Variants in PCCA observed in about 807,000 individuals in gnomAD.
PCCA encodes the protein propionyl-CoA carboxylase alpha chain, mitochondrial.
PCCA carries 74 observed loss-of-function variants against 101.3 expected under a neutral mutation model. The ratio of observed to expected loss-of-function variants is 0.73; its 90% CI spans 0.61 to 0.89. The LOEUF (loss-of-function observed/expected upper bound fraction) is 0.89. Among genes scored for constraint, PCCA ranks in the 40% least tolerant of loss-of-function variants. The probability of loss-of-function intolerance (pLI) is 0.00; values close to 1 mark genes in which losing one functional copy is unlikely to be tolerated. For missense variants in PCCA, 891 were observed against 907.0 expected, an observed-to-expected ratio of 0.98 and a Z score of 0.23; for synonymous variants, 294 against 313.6, an observed-to-expected ratio of 0.94 and a Z score of 0.66.
rs112367578 is a variant in PCCA at position 100,342,560 on chromosome 13, G to A, written c.1643+2301G>A. Among the ~76,000 whole-genome samples the A allele has an allele frequency of 5.0e-3, 752 of 151,612 alleles. 7 individuals carry two copies. Among genetic ancestry groups the A allele is most frequent in the African/African-American group, 0.017 (720 of 41,364 alleles). On this transcript the variant is annotated intron_variant, in intron 18 of 23. Coordinates refer to ENST00000376285, the MANE Select transcript of PCCA (RefSeq NM_000282.4). ...TGGGATTATAGGCATGAGCCACCGC[G>A]CCCAGCCTTACCTGTACAGTTTTAA... is the stretch of plus-strand genomic sequence containing the variant.
chr13:100,368,453 T>C lies in PCCA; in HGVS notation c.1644-19T>C, dbSNP rs943499538. On this transcript the variant is annotated intron_variant, in intron 18 of 23. Transcript: ENST00000376285. ...ATAATATAAAATTATTAACTCTTTT[T>C]CTTTTCATTCTACTTCAGAATGCCT... 3 of 1,316,404 alleles carry C rather than the reference T, an allele frequency of 2.3e-6. No individual in the cohort carries two copies. The highest frequency in any genetic ancestry group is 3.3e-6 in the Non-Finnish European group (3 of 912,698). 81.5% of individuals were successfully genotyped at this position (1,316,404 alleles called of 1,614,324 possible). A position where few individuals can be genotyped will look rare whatever the true frequency, so the allele number is the denominator to read the frequency against.
At chr13:100,266,235 C>T (rs2152569376) in intron 10 of PCCA, among the ~76,000 whole-genome samples, 1 of 152,314 alleles carries the variant, frequency 6.6e-6, no homozygotes, top group South Asian at 2.1e-4. Flanking sequence ...AGGTCTTACT[C>T]ATTTGCTGTC....
chr13:100,409,416 G>T (rs2077890507), intron 19 of PCCA, among the ~76,000 whole-genome samples: 1 of 152,124 alleles, frequency 6.6e-6, no homozygotes, highest in Admixed American at 6.5e-5. Flanking sequence ...AGTAAGGCAG[G>T]GTTTTATAGG....
intron 4 of PCCA, among the ~76,000 whole-genome samples, chr13:100,151,447 C>T (rs1351225233): frequency 2.6e-5 from 4 of 151,954 alleles, no homozygotes; most frequent in African/African-American, 9.7e-5. Context: ...CAAAGTTAGC[C>T]GGGGTTGGTG....
chr13:100,330,810 T>C, intron 17 of PCCA, 139 bp downstream of exon 17: 1 of 642,376 alleles, frequency 1.6e-6, no homozygotes, highest in African/African-American at 1.8e-5. Context: ...CAAGACTGTT[T>C]ACATTCATGA....
chr13:100,178,873 C>T (rs1352950158), intron 6 of PCCA, among the ~76,000 whole-genome samples: 2 of 151,390 alleles, frequency 1.3e-5, no homozygotes, highest in Admixed American at 6.6e-5. Flanking sequence ...GTCAGGAGAT[C>T]GAGACCATCT....
intron 19 of PCCA, among the ~76,000 whole-genome samples, chr13:100,384,319 C>A (rs938669181): frequency 6.6e-6 from 1 of 152,134 alleles, no homozygotes; most frequent in African/African-American, 2.4e-5. Flanking sequence ...AACCACTGTG[C>A]CTGGCCAAAA....
At chr13:100,145,861 CAAAA>C (rs767182982) in intron 4 of PCCA, among the ~76,000 whole-genome samples, 2 of 64,326 alleles carry the variant, frequency 3.1e-5, no homozygotes, top group African/African-American at 6.0e-5. Context: ...GACTCCGTCT[CAAAA>C]AAAAAAAAAA....
At chr13:100,366,907 T>G (rs369667506) in intron 18 of PCCA, among the ~76,000 whole-genome samples, 1 of 152,190 alleles carries the variant, frequency 6.6e-6, no homozygotes, top group East Asian at 1.9e-4. Flanking sequence ...ATTAATAATA[T>G]TAATCAGATA....
intron 21 of PCCA, among the ~76,000 whole-genome samples, 180 bp from the exon 22 acceptor site, chr13:100,515,247 A>G (rs2086748588): frequency 6.6e-6 from 1 of 152,258 alleles, no homozygotes; most frequent in Admixed American, 6.5e-5. Flanking sequence ...TTTCTGAAAT[A>G]GCTCAATATA....
At chr13:100,443,775 G>A (rs2080557607) in intron 20 of PCCA, among the ~76,000 whole-genome samples, 2 of 151,918 alleles carry the variant, frequency 1.3e-5, no homozygotes, top group African/African-American at 4.8e-5. Context: ...AATTGAGATC[G>A]TCTTTCAGGT....
At chr13:100,366,013 G>A (rs957514071) in intron 18 of PCCA, among the ~76,000 whole-genome samples, 1 of 152,146 alleles carries the variant, frequency 6.6e-6, no homozygotes, top group South Asian at 2.1e-4. Flanking sequence ...AATGCAAAAG[G>A]TGGGTTCTTA....
chr13:100,134,162 C>T (rs955887266), intron 4 of PCCA, among the ~76,000 whole-genome samples: 5 of 152,120 alleles, frequency 3.3e-5, no homozygotes, highest in African/African-American at 9.7e-5. Context: ...TTAGTTCTGT[C>T]CCTTTAGAGA....
intron 4 of PCCA, among the ~76,000 whole-genome samples, chr13:100,125,882 T>C (rs1204452353): frequency 6.6e-6 from 1 of 152,238 alleles, no homozygotes; most frequent in East Asian, 1.9e-4. Context: ...CTATATTTAA[T>C]TGGAGATCCT....
chr13:100,094,712 T>C (rs2152217308), intron 1 of PCCA, among the ~76,000 whole-genome samples: 1 of 152,256 alleles, frequency 6.6e-6, no homozygotes, highest in South Asian at 2.1e-4. Context: ...CTCAGCCTCC[T>C]GAGTAGCTGG....
At chr13:100,305,733 C>G (rs1042621490) in intron 14 of PCCA, 1 of 364,772 alleles carries the variant, frequency 2.7e-6, no homozygotes, top group Non-Finnish European at 5.5e-6. Context: ...TAAAGCTGCT[C>G]CATTAATTTT....
chr13:100,268,595 T>G lies in PCCA; in HGVS notation c.820-94T>G, dbSNP rs374664873. On this transcript the variant is annotated intron_variant, in intron 10 of 23. Coordinates refer to ENST00000376285, the MANE Select transcript of PCCA (RefSeq NM_000282.4). ...TGTATATACTATGAAGTTTGAATAT[T>G]AAAAACCAAGAGATGTTGCATGCGG... is the stretch of plus-strand genomic sequence containing the variant. The G allele has an allele frequency of 2.5e-5, 22 of 885,490 alleles. No individual in the cohort carries two copies. The African/African-American group carries it at 3.1e-4, about 13-fold the overall frequency. The allele number at this position is 885,490 out of a possible 1,614,324, so 54.9% of individuals were successfully genotyped here.
chr13:100,188,138 C>T (rs761874684), intron 6 of PCCA, among the ~76,000 whole-genome samples: 9 of 152,110 alleles, frequency 5.9e-5, no homozygotes, highest in Non-Finnish European at 5.9e-5. Context: ...ACTAAAAATA[C>T]AAAAAATAGC....
At position 100,208,016 on chromosome 13, in the gene PCCA, CAAAAA is replaced by C. The variant is rs1318136528; in HGVS notation, c.469-1314_469-1310del. Among the ~76,000 whole-genome samples the C allele has an allele frequency of 2.6e-5, 4 of 151,870 alleles. No homozygotes were observed. The East Asian group carries it at 7.9e-4, about 30-fold the overall frequency. On this transcript the variant is annotated intron_variant, in intron 6 of 23. Transcript: ENST00000376285. ...CTGGTGACAGAGTGAGACTCTGTCTCAAAAAAGAAAAAATCTGTGTTTCAGCCTGG... is the reference window on the plus strand; with the variant it reads ...CTGGTGACAGAGTGAGACTCTGTCTCAGAAAAAATCTGTGTTTCAGCCTGG...
Sources: gnomAD v4.1 joint callset for allele counts (sites outside exome capture counted in the v4.1 genomes callset) on GRCh38, gnomAD v4.1.1 for gene constraint, MANE v1.5 for transcripts, NCBI Gene and HGNC (gene_info 2026-07-23, HGNC 2026-07-21) for gene names.